The following ITGAX variants were observed in gnomAD, a reference collection of about 807,000 sequenced individuals.
ITGAX encodes the protein integrin alpha-X.
ITGAX carries 99 observed loss-of-function variants against 140.2 expected under a neutral mutation model. The ratio of observed to expected loss-of-function variants is 0.71; its 90% CI spans 0.60 to 0.83. ITGAX has a LOEUF of 0.83. Ranked by LOEUF, ITGAX falls within the 40% of genes least tolerant of loss-of-function variation. ITGAX has a pLI of 0.00. For missense variants in ITGAX, 1,444 were observed against 1,482.0 expected, an observed-to-expected ratio of 0.97 and a Z score of 0.42; for synonymous variants, 631 against 600.4, an observed-to-expected ratio of 1.05 and a Z score of -0.75.
Position 31,380,642 on chromosome 16 carries a change from G to A in ITGAX, c.3276+18G>A. Reference sequence around the variant, plus strand: ...GAGCTCAGGTAGAGACCATGTGGAGGGCAGCGACCAGGCTGGAAAGAGGGC... The same window carrying A: ...GAGCTCAGGTAGAGACCATGTGGAGAGCAGCGACCAGGCTGGAAAGAGGGC... On this transcript the variant is annotated intron_variant, in intron 28 of 29. Transcript: ENST00000268296. 3 of 1,613,966 alleles carry A rather than the reference G, an allele frequency of 1.9e-6. No individual in the cohort carries two copies. The highest frequency in any genetic ancestry group is 2.5e-6 in the Non-Finnish European group (3 of 1,179,822).
At position 31,359,355 on chromosome 16, in the gene ITGAX, G is replaced by C. The variant is rs754703410; in HGVS notation, c.431-345G>C. ...TAATTTTTGTATTTTTAGTAGAGACGGGGTTTCACCATGTGGGCCAGGATG... is the reference window on the plus strand; with the variant it reads ...TAATTTTTGTATTTTTAGTAGAGACCGGGTTTCACCATGTGGGCCAGGATG... On this transcript the variant is annotated intron_variant, in intron 5 of 29. Transcript: ENST00000268296. Among the ~76,000 whole-genome samples the C allele has an allele frequency of 2.0e-5, 3 of 151,976 alleles. No individual in the cohort carries two copies. In the East Asian group the frequency reaches 5.8e-4, roughly 29 times the overall value.
intron 3 of ITGAX, 40 bp downstream of exon 3, chr16:31,356,768 C>G (rs2080764765): frequency 7.0e-7 from 1 of 1,433,446 alleles, no homozygotes; most frequent in African/African-American, 1.4e-5. Flanking sequence ...GCCGGGCTCC[C>G]AGGCTTCCCT....
At chr16:31,355,414 AG>A in intron 1 of ITGAX, 123 bp downstream of exon 1, 1 of 989,634 alleles carries the variant, frequency 1.0e-6, no homozygotes, top group Non-Finnish European at 1.5e-6. Context: ...GTCAAGCCTG[AG>A]GGGGAGGCAG....
intron 17 of ITGAX, 98 bp from the exon 18 acceptor site, chr16:31,372,280 C>CG: frequency 6.9e-7 from 1 of 1,441,550 alleles, no homozygotes; most frequent in Non-Finnish European, 9.3e-7. Flanking sequence ...TGAAGCCGCG[C>CG]GGGAGCTGGG....
At chr16:31,361,395 C>A in intron 9 of ITGAX, 182 bp downstream of exon 9, 1 of 752,508 alleles carries the variant, frequency 1.3e-6, no homozygotes, top group East Asian at 2.5e-5. Flanking sequence ...AGAGCTGCCC[C>A]AAAGTGGCCC....
intron 1 of ITGAX, among the ~76,000 whole-genome samples, chr16:31,355,625 G>A (rs1236192009): frequency 3.9e-5 from 6 of 152,208 alleles, no homozygotes; most frequent in Admixed American, 2.0e-4. Context: ...CTCTCATAGC[G>A]CCCGAGGTGC....
chr16:31,376,331 G>A (rs758646213), intron 20 of ITGAX, among the ~76,000 whole-genome samples: 6 of 152,128 alleles, frequency 3.9e-5, no homozygotes, highest in Non-Finnish European at 5.9e-5. Flanking sequence ...TTTTAAAAAC[G>A]TAACCTTGGC....
At chr16:31,376,052 A>G (rs1198182242) in intron 20 of ITGAX, among the ~76,000 whole-genome samples, 1 of 152,228 alleles carries the variant, frequency 6.6e-6, no homozygotes, top group Non-Finnish European at 1.5e-5. Flanking sequence ...GTATACACTG[A>G]AGTATTTCTA....
Position 31,372,587 on chromosome 16 carries a change from TC to T in ITGAX, c.2293-7del, listed in dbSNP as rs747968516. 2.5e-6 allele frequency: 4 copies of T among 1,614,080 alleles called. No homozygotes were observed. The South Asian group carries it at 4.4e-5, about 18-fold the overall frequency. Reference sequence around the variant, plus strand: ...TCTCGGAGAAAACCCCCCGTTGCCTTCCCACGCAGCTACCCTTTGAGAAGAA... The same window carrying T: ...TCTCGGAGAAAACCCCCCGTTGCCTTCCACGCAGCTACCCTTTGAGAAGAA... On this transcript the variant is annotated splice_polypyrimidine_tract_variant and intron_variant, in intron 18 of 29. Transcript: ENST00000268296.
chr16:31,371,540 AGT>A (rs919980022), intron 16 of ITGAX, 43 bp downstream of exon 16: 3 of 1,610,380 alleles, frequency 1.9e-6, no homozygotes, highest in Admixed American at 1.7e-5. Context: ...TGACCTCTGG[AGT>A]CCCCCATCCC....
intron 9 of ITGAX, chr16:31,361,427 C>A: frequency 1.4e-6 from 1 of 690,704 alleles, no homozygotes. Context: ...CTGCTCCCCA[C>A]AGAGAGTGAT....
intron 5 of ITGAX, among the ~76,000 whole-genome samples, chr16:31,359,400 G>A (rs1198104562): frequency 2.6e-5 from 4 of 152,088 alleles, no homozygotes; most frequent in African/African-American, 4.8e-5. Context: ...TCCTGACCTC[G>A]TGATCCGCCC....
At chr16:31,363,127 T>C in intron 13 of ITGAX, 38 bp from the exon 14 acceptor site, 1 of 1,605,416 alleles carries the variant, frequency 6.2e-7, no homozygotes, top group African/African-American at 1.3e-5. Flanking sequence ...GGTGGAGGGG[T>C]TGCCCGGGTT....
At chr16:31,361,970 G>A in intron 10 of ITGAX, 61 bp downstream of exon 10, 1 of 1,612,564 alleles carries the variant, frequency 6.2e-7, no homozygotes, top group South Asian at 1.1e-5. Context: ...GGGAAGGCCA[G>A]GGTGGGTGTC....
At position 31,363,146 on chromosome 16, in the gene ITGAX, C is replaced by A. The variant is rs1167828985; in HGVS notation, c.1501-19C>A. 3 of 1,608,098 alleles carry A rather than the reference C, an allele frequency of 1.9e-6. No homozygotes were observed. The highest frequency in any genetic ancestry group is 1.7e-5 in the Admixed American group (1 of 58,720). ...GAGGGGTTGCCCGGGTTGGGCCTGG[C>A]ACTGCTTTTTTTCTGCAGTGGAGAA... On this transcript the variant is annotated intron_variant, in intron 13 of 29. Coordinates refer to ENST00000268296, the MANE Select transcript of ITGAX (RefSeq NM_000887.5).
intron 14 of ITGAX, among the ~76,000 whole-genome samples, chr16:31,367,280 CAGA>C (rs1327466287): frequency 6.6e-6 from 1 of 152,212 alleles, no homozygotes; most frequent in Non-Finnish European, 1.5e-5. Flanking sequence ...GCAAGTTCTC[CAGA>C]AGATCTCTGA....
In ITGAX at chr16:31,357,248, C is replaced by T. The variant is rs771925567; in HGVS notation, c.319-5C>T. On this transcript the variant is annotated splice_region_variant and splice_polypyrimidine_tract_variant and intron_variant, in intron 4 of 29. Coordinates refer to ENST00000268296, the MANE Select transcript of ITGAX (RefSeq NM_000887.5). Reference sequence around the variant, plus strand: ...CAGCCCCCCAGCAGCCCGCTGTGTCCCCAGGCCTGCGGCCCCACCGTGCAC... The same window carrying T: ...CAGCCCCCCAGCAGCCCGCTGTGTCTCCAGGCCTGCGGCCCCACCGTGCAC... 3.8e-6 allele frequency: 6 copies of T among 1,597,730 alleles called. No homozygotes were observed. The highest frequency in any genetic ancestry group is 4.3e-6 in the Non-Finnish European group (5 of 1,171,866).
chr16:31,361,335 C>A, intron 9 of ITGAX, 122 bp downstream of exon 9: 1 of 1,115,912 alleles, frequency 9.0e-7, no homozygotes. Flanking sequence ...CCCGGGACCC[C>A]GATAGCCATG....
rs1346014768 is a variant in ITGAX, at chr16:31,373,381, A to G, written c.2499A>G (p.Ala833=). ...HPAGLSYRYV[A]EGQKQGQLRS... ...CAGGACTGTCCTACCGCTACGTGGCAGAGGGCCAGGTGCACCCTCTGGGGA... is the reference window on the plus strand; with the variant it reads ...CAGGACTGTCCTACCGCTACGTGGCGGAGGGCCAGGTGCACCCTCTGGGGA... The change falls in exon 20 of 30, where the codon GCA becomes GCG. Residue 833 remains alanine, a synonymous_variant. Coordinates refer to ENST00000268296, the MANE Select transcript of ITGAX (RefSeq NM_000887.5). The G allele has an allele frequency of 6.2e-7, 1 of 1,611,090 alleles. No homozygotes were observed. Among genetic ancestry groups the G allele is most frequent in the East Asian group, 2.2e-5 (1 of 44,740 alleles).
Sources: gnomAD v4.1 joint callset for allele counts (sites outside exome capture counted in the v4.1 genomes callset) on GRCh38, gnomAD v4.1.1 for gene constraint, MANE v1.5 for transcripts, NCBI Gene and HGNC (gene_info 2026-07-23, HGNC 2026-07-21) for gene names.